The following DUSP22 variants were observed in gnomAD, a reference collection of about 807,000 sequenced individuals.
DUSP22 encodes dual specificity protein phosphatase 22.
A neutral mutation model predicts 24.5 loss-of-function variants in DUSP22; 24 were observed. The ratio of observed to expected loss-of-function variants is 0.98; its 90% CI spans 0.71 to 1.38. The LOEUF (loss-of-function observed/expected upper bound fraction) is 1.38. Among genes scored for constraint, DUSP22 ranks in the 40% most tolerant of loss-of-function variants. DUSP22 has a pLI of 0.00. For missense variants in DUSP22, 330 were observed against 269.2 expected (o/e 1.23, Z -1.58); for synonymous variants, 160 against 106.4 (o/e 1.50, Z -3.10).
At chr6:304,591 T>A (rs967656875) in intron 1 of DUSP22, 37 bp from the exon 2 acceptor site, 5 of 1,614,160 alleles carry the variant, frequency 3.1e-6, no homozygotes, top group Admixed American at 3.3e-5. Context: ...CCACTTAGAG[T>A]CTGCCATGCT....
At chr6:315,104 G>T (rs1299573291) in intron 3 of DUSP22, among the ~76,000 whole-genome samples, 1 of 152,302 alleles carries the variant, frequency 6.6e-6, no homozygotes, top group Non-Finnish European at 1.5e-5. Flanking sequence ...GATGGGTGAG[G>T]TGGTCAGCCA....
At chr6:323,646 A>G (rs1413254814) in intron 3 of DUSP22, among the ~76,000 whole-genome samples, 1 of 152,304 alleles carries the variant, frequency 6.6e-6, no homozygotes, top group East Asian at 1.9e-4. Flanking sequence ...TTGCCATCTT[A>G]GGATGGCTGT....
chr6:303,147 G>C (rs1487527817), intron 1 of DUSP22, among the ~76,000 whole-genome samples: 1 of 152,300 alleles, frequency 6.6e-6, no homozygotes, highest in Non-Finnish European at 1.5e-5. Flanking sequence ...AGACCCTCGG[G>C]AATGAGAGAC....
At chr6:347,634 C>T (rs1225732442) in intron 5 of DUSP22, among the ~76,000 whole-genome samples, 28 of 152,304 alleles carry the variant, frequency 1.8e-4, no homozygotes, top group Admixed American at 6.5e-5. Flanking sequence ...TTCTCTACAT[C>T]ATGGGCTTTA....
Position 350,613 on chromosome 6 carries a change from T to C in DUSP22, c.*1662T>C. 2.8e-6 allele frequency: 4 copies of C among 1,446,154 alleles called. No homozygotes were observed. Among genetic ancestry groups the C allele is most frequent in the Non-Finnish European group, 3.6e-6 (4 of 1,102,380 alleles). 89.6% of individuals were successfully genotyped at this position (1,446,154 alleles called of 1,614,324 possible). A position where few individuals can be genotyped will look rare whatever the true frequency, so the allele number is the denominator to read the frequency against. On this transcript the variant is annotated 3_prime_UTR_variant, in exon 7 of 7. Transcript: ENST00000419235. ...ACACCCGGAAAGGGGAGTGTGGCTG[T>C]AGAATCATCCATCCGTCTACAGCTA...
chr6:329,138 C>T (rs1759021904), intron 3 of DUSP22, among the ~76,000 whole-genome samples: 1 of 152,302 alleles, frequency 6.6e-6, no homozygotes, highest in Non-Finnish European at 1.5e-5. Context: ...ATCAAACCTG[C>T]AGGGTGCCTC....
At chr6:337,278 A>G (rs1759398904) in intron 4 of DUSP22, 1 of 152,582 alleles carries the variant, frequency 6.6e-6, no homozygotes, top group East Asian at 1.9e-4. Context: ...CTACACCTCC[A>G]TTCTCCCATC....
chr6:346,844 G>A (rs1024594753), intron 5 of DUSP22, among the ~76,000 whole-genome samples: 1 of 151,474 alleles, frequency 6.6e-6, no homozygotes, highest in Non-Finnish European at 1.5e-5. Flanking sequence ...AGGACAGAGG[G>A]GACCCAGGGA....
intron 1 of DUSP22, among the ~76,000 whole-genome samples, chr6:299,370 T>A (rs1757482234): frequency 6.6e-6 from 1 of 152,312 alleles, no homozygotes; most frequent in Non-Finnish European, 1.5e-5. Flanking sequence ...TATTCAGGGA[T>A]TACCAGCAAC....
chr6:321,229 G>T (rs1453405436), intron 3 of DUSP22, among the ~76,000 whole-genome samples: 5 of 152,310 alleles, frequency 3.3e-5, no homozygotes, highest in Non-Finnish European at 5.9e-5. Flanking sequence ...AAGGGAAGGT[G>T]TGTCCTGGCA....
intron 1 of DUSP22, among the ~76,000 whole-genome samples, chr6:301,007 A>G (rs1180162135): frequency 2.0e-5 from 3 of 152,420 alleles, no homozygotes; most frequent in Middle Eastern, 6.8e-3. Context: ...GTTGCCAAAG[A>G]GGACACTCTA....
chr6:308,588 T>C (rs575915365), intron 2 of DUSP22, among the ~76,000 whole-genome samples: 1 of 152,418 alleles, frequency 6.6e-6, no homozygotes, highest in African/African-American at 2.4e-5. Context: ...TGTCGTGATA[T>C]CAAGTGGTCT....
At chr6:300,849 A>G (rs1405405620) in intron 1 of DUSP22, among the ~76,000 whole-genome samples, 1 of 152,310 alleles carries the variant, frequency 6.6e-6, no homozygotes. Flanking sequence ...CAGGGCAGAC[A>G]GCCTGGAAGG....
At chr6:307,695 C>G (rs540282827) in intron 2 of DUSP22, among the ~76,000 whole-genome samples, 3 of 152,306 alleles carry the variant, frequency 2.0e-5, no homozygotes, top group Admixed American at 2.0e-4. Flanking sequence ...AGCTGACAGA[C>G]GAAGCCCTCA....
At chr6:292,645 G>C in intron 1 of DUSP22, 85 bp downstream of exon 1, 1 of 1,510,704 alleles carries the variant, frequency 6.6e-7, no homozygotes. Flanking sequence ...GACGACTCGA[G>C]CCCGGGGTGC....
chr6:300,709 C>G (rs1353719097), intron 1 of DUSP22, among the ~76,000 whole-genome samples: 2 of 152,300 alleles, frequency 1.3e-5, no homozygotes, highest in Non-Finnish European at 2.9e-5. Context: ...AGGAACAGAC[C>G]TGCTGTGCCT....
chr6:330,064 A>G (rs1232742713), intron 3 of DUSP22, among the ~76,000 whole-genome samples: 1 of 152,298 alleles, frequency 6.6e-6, no homozygotes, highest in Admixed American at 6.5e-5. Flanking sequence ...CAGGCCGGTG[A>G]AGCAGGGCAC....
chr6:304,660 A>G lies in DUSP22; in HGVS notation c.54A>G (p.Lys18=). The G allele has an allele frequency of 6.2e-7, 1 of 1,614,250 alleles. No homozygotes were observed. The highest frequency in any genetic ancestry group is 8.5e-7 in the Non-Finnish European group (1 of 1,180,020). The change falls in exon 2 of 7, where the codon AAA becomes AAG. Residue 18 remains lysine (K), a splice_region_variant and synonymous_variant. Transcript: ENST00000419235. ...CCGGCCTGTACATCGGCAACTTCAA[A>G]GGTGAGTTCTTGCTTTTTTATTGTT... is the stretch of plus-strand genomic sequence containing the variant. ...ILPGLYIGNF[K]DARDAEQLSK... is the part of the protein sequence containing the mutation.
chr6:323,987 T>C (rs1031285633), intron 3 of DUSP22, among the ~76,000 whole-genome samples: 1 of 152,308 alleles, frequency 6.6e-6, no homozygotes, highest in Non-Finnish European at 1.5e-5. Context: ...CCCTATGCCC[T>C]GAAGAAGAAA....
Sources: allele counts gnomAD v4.1 joint callset (sites outside exome capture counted in the v4.1 genomes callset), GRCh38; gene constraint gnomAD v4.1.1; transcripts MANE v1.5; gene names NCBI Gene and HGNC (gene_info 2026-07-23, HGNC 2026-07-21).